TBC1D30: variants seen among roughly 807,000 people sequenced by gnomAD.
TBC1D30 encodes TBC1 domain family, member 30.
TBC1D30 carries 31 observed loss-of-function variants against 63.2 expected under a neutral mutation model. The observed-to-expected ratio is 0.49, with a 90% CI of 0.37 to 0.66. The LOEUF (loss-of-function observed/expected upper bound fraction) is 0.66, where lower values mean the gene tolerates loss of function less well. Among genes scored for constraint, TBC1D30 ranks in the 30% least tolerant of loss-of-function variants. The probability of loss-of-function intolerance (pLI) is 0.00; values close to 1 mark genes in which losing one functional copy is unlikely to be tolerated. For synonymous variants in TBC1D30, 307 were observed against 361.5 expected (o/e 0.85, Z 1.71); for missense variants, 810 against 953.6 (o/e 0.85, Z 1.98).
At chr12:64,773,536 G>A (rs1870978172) in intron 1 of TBC1D30, among the ~76,000 whole-genome samples, 1 of 152,228 alleles carries the variant, frequency 6.6e-6, no homozygotes, top group African/African-American at 2.4e-5. Flanking sequence ...TTTTGACTGG[G>A]TGAGATCTCC....
chr12:64,856,531 A>G (rs1361620546), intron 8 of TBC1D30, among the ~76,000 whole-genome samples: 1 of 152,174 alleles, frequency 6.6e-6, no homozygotes, highest in Admixed American at 6.5e-5. Context: ...TCTCTGAAAC[A>G]TGTGGAGTCT....
intron 11 of TBC1D30, 146 bp downstream of exon 11, chr12:64,870,954 A>G (rs1878609266): frequency 2.5e-6 from 2 of 797,600 alleles, no homozygotes. Context: ...CATATTTAGC[A>G]TCTCATTTTA....
chr12:64,865,471 C>A (rs1565686795), intron 9 of TBC1D30, among the ~76,000 whole-genome samples: 1 of 151,768 alleles, frequency 6.6e-6, no homozygotes, highest in Non-Finnish European at 1.5e-5. Context: ...TAAGTAGACT[C>A]AAAAATATCT....
At chr12:64,855,163 T>A (rs1378898006) in intron 8 of TBC1D30, among the ~76,000 whole-genome samples, 1 of 152,232 alleles carries the variant, frequency 6.6e-6, no homozygotes, top group Non-Finnish European at 1.5e-5. Context: ...TCTCCTGGCC[T>A]GTAAGATTTC....
rs1384064843 is a variant in TBC1D30, at chr12:64,767,784, CCGG to C, written c.-376+8139_-376+8141del. On this transcript the variant is annotated intron_variant, in intron 1 of 13. Coordinates refer to the TBC1D30 transcript ENST00000674237. ...GACACCTTGATAAGATACACATGCTCCGGCGGGGGGGGGGGGAGGGGGGGGAGA... is the reference window on the plus strand; with the variant it reads ...GACACCTTGATAAGATACACATGCTCCGGGGGGGGGGGGAGGGGGGGGAGA... 8.4e-4 allele frequency among the ~76,000 whole-genome samples: 5 copies of C among 5,936 alleles called. No homozygotes were observed. The East Asian group carries it at 0.016, about 19-fold the overall frequency. 3.9% of individuals were successfully genotyped at this position (5,936 alleles called of 152,430 possible). A position where few individuals can be genotyped will look rare whatever the true frequency, so the allele number is the denominator to read the frequency against.
At chr12:64,840,647 A>C (rs1417357269) in intron 7 of TBC1D30, among the ~76,000 whole-genome samples, 3 of 152,198 alleles carry the variant, frequency 2.0e-5, no homozygotes, top group Non-Finnish European at 4.4e-5. Context: ...GTGAGAATTG[A>C]GGCACACAGA....
At position 64,836,486 on chromosome 12, in the gene TBC1D30, T is replaced by C. The variant is rs887436885; in HGVS notation, c.595-4T>C. 6.1e-5 allele frequency: 93 copies of C among 1,533,108 alleles called. No homozygotes were observed. The highest frequency in any genetic ancestry group is 7.7e-5 in the Non-Finnish European group (88 of 1,145,294). 95.0% of individuals were successfully genotyped at this position (1,533,108 alleles called of 1,614,324 possible). On this transcript the variant is annotated splice_polypyrimidine_tract_variant and splice_region_variant and intron_variant, in intron 5 of 11. Coordinates refer to ENST00000539867, the MANE Select transcript of TBC1D30 (RefSeq NM_015279.2). The stretch of plus-strand genomic sequence containing the variant: ...AGTCTTAAGCTTTATCTTTTTTTCT[T>C]TAGATTATGATTTACCTTATTGATA...
intron 8 of TBC1D30, among the ~76,000 whole-genome samples, chr12:64,862,028 T>C (rs1877837873): frequency 6.6e-6 from 1 of 152,184 alleles, no homozygotes. Flanking sequence ...AGTTGTGCCT[T>C]TGTGGCCATC....
At chr12:64,783,205 A>G (rs186042763) in intron 1 of TBC1D30, among the ~76,000 whole-genome samples, 1 of 151,788 alleles carries the variant, frequency 6.6e-6, no homozygotes, top group East Asian at 1.9e-4. Flanking sequence ...AGGCACCAGA[A>G]TGGTTTCTCA....
At position 64,876,660 on chromosome 12, in the gene TBC1D30, C is replaced by A; in HGVS notation, c.*872C>A. On this transcript the variant is annotated 3_prime_UTR_variant, in exon 12 of 12. Transcript: ENST00000539867. Reference sequence around the variant, plus strand: ...TCACTCACCCACCAGCTCTAGACTGCAGACGCACAAGGCCTCTGCTCAGAA... The same window carrying A: ...TCACTCACCCACCAGCTCTAGACTGAAGACGCACAAGGCCTCTGCTCAGAA... 2.5e-6 allele frequency: 1 copy of A among 401,106 alleles called. No individual in the cohort carries two copies. Among genetic ancestry groups the A allele is most frequent in the South Asian group, 1.9e-5 (1 of 53,942 alleles). The allele number at this position is 401,106 out of a possible 1,614,324, so 24.8% of individuals were successfully genotyped here.
chr12:64,834,828 A>G (rs918595683), intron 5 of TBC1D30, among the ~76,000 whole-genome samples: 2 of 150,606 alleles, frequency 1.3e-5, no homozygotes, highest in African/African-American at 4.9e-5. Flanking sequence ...CAGATAGAGA[A>G]TTTCACTGTC....
rs1407949112 is a variant in TBC1D30 at position 64,843,364 on chromosome 12, T to C, written c.933-16T>C. 9.1e-6 allele frequency: 14 copies of C among 1,534,372 alleles called. No individual in the cohort carries two copies. The East Asian group carries it at 3.4e-4, about 37-fold the overall frequency. On this transcript the variant is annotated splice_polypyrimidine_tract_variant and intron_variant, in intron 7 of 11. Transcript: ENST00000539867. Reference sequence around the variant, plus strand: ...TGCCCTAAACAAGTTGTATTTTCTGTCCTTTCTTTATCTAGGCAGATAGAA... The same window carrying C: ...TGCCCTAAACAAGTTGTATTTTCTGCCCTTTCTTTATCTAGGCAGATAGAA...
chr12:64,875,680 C>G lies in TBC1D30; in HGVS notation c.2178C>G (p.Asn726Lys). The G allele has an allele frequency of 6.5e-7, 1 of 1,536,482 alleles. No homozygotes were observed. The highest frequency in any genetic ancestry group is 8.7e-7 in the Non-Finnish European group (1 of 1,146,990). ...KPLRKSATAR[N>K]LGLYGPTERT... is the part of the protein sequence containing the mutation. Reference sequence around the variant, plus strand: ...TGCGGAAATCTGCTACTGCCAGGAACTTGGGATTATATGGCCCTACAGAAA... The same window carrying G: ...TGCGGAAATCTGCTACTGCCAGGAAGTTGGGATTATATGGCCCTACAGAAA... Residue 726 changes from asparagine (N) to lysine (K), a missense_variant, in exon 12 of 12, where the codon AAC (asparagine) becomes AAG (lysine). Physicochemically the swap from Asn to Lys is moderately conservative, Grantham distance 94 (BLOSUM62 0). Around this residue, in one of 4 missense-constraint regions of TBC1D30, gnomAD observed 450 missense variants for 473.0 expected, o/e 0.95. Coordinates refer to ENST00000539867, the MANE Select transcript of TBC1D30 (RefSeq NM_015279.2).
chr12:64,776,019 A>G (rs1871068344), upstream of TBC1D30, among the ~76,000 whole-genome samples: 1 of 152,226 alleles, frequency 6.6e-6, no homozygotes, highest in South Asian at 2.1e-4. Context: ...CCTGCTCCTG[A>G]ATGACTTTTG....
upstream of TBC1D30, among the ~76,000 whole-genome samples, chr12:64,821,465 C>A (rs979007151): frequency 6.6e-6 from 1 of 152,174 alleles, no homozygotes; most frequent in African/African-American, 2.4e-5. Context: ...CATGAATAGC[C>A]TCTCTTGTTA....
intron 8 of TBC1D30, among the ~76,000 whole-genome samples, chr12:64,853,427 C>T (rs138396417): frequency 2.6e-4 from 39 of 152,310 alleles, no homozygotes; most frequent in African/African-American, 9.1e-4. Context: ...TTGCTGGGCT[C>T]CATGGGGATG....
chr12:64,832,087 A>G (rs1413807875), intron 4 of TBC1D30, 32 bp from the exon 5 acceptor site: 35 of 1,489,662 alleles, frequency 2.3e-5, no homozygotes, highest in Non-Finnish European at 3.1e-5. Context: ...ATTAGGAGTT[A>G]TTTTTGAAAA....
upstream of TBC1D30, among the ~76,000 whole-genome samples, chr12:64,776,592 G>T (rs1819480661): frequency 6.6e-6 from 1 of 152,108 alleles, no homozygotes; most frequent in African/African-American, 2.4e-5. Context: ...CCAATAATGA[G>T]TTCTGAAATT....
At chr12:64,864,562 C>G (rs1390141977) in intron 8 of TBC1D30, 106 bp from the exon 9 acceptor site, 2 of 728,342 alleles carry the variant, frequency 2.7e-6, no homozygotes, top group African/African-American at 3.5e-5. Context: ...GGAGCAGTAT[C>G]TGCCTCTTCA....
Sources: gnomAD v4.1 joint callset for allele counts (sites outside exome capture counted in the v4.1 genomes callset) on GRCh38, gnomAD v4.1.1 for gene constraint, gnomAD v4.1.1 regional missense constraint, MANE v1.5 for transcripts, NCBI Gene and HGNC (gene_info 2026-07-23, HGNC 2026-07-21) for gene names.